The following MRPS9 variants were observed in gnomAD, a reference collection of about 807,000 sequenced individuals.
MRPS9 encodes the protein small ribosomal subunit protein uS9m.
Under a neutral mutation model 59.9 loss-of-function variants are expected in MRPS9, and 45 were observed. The observed-to-expected ratio is 0.75, with a 90% CI of 0.59 to 0.96. The LOEUF is 0.96. Ranked by LOEUF, MRPS9 falls within the 40% of genes least tolerant of loss-of-function variation. The probability of loss-of-function intolerance (pLI) is 0.00; values close to 1 mark genes in which losing one functional copy is unlikely to be tolerated. For synonymous variants in MRPS9, 171 were observed against 166.8 expected, an observed-to-expected ratio of 1.03 and a Z score of -0.19; for missense variants, 473 against 481.1, an observed-to-expected ratio of 0.98 and a Z score of 0.16.
chr2:105,059,081 T>G (rs1679849223), intron 2 of MRPS9, among the ~76,000 whole-genome samples: 3 of 151,564 alleles, frequency 2.0e-5, no homozygotes, highest in Middle Eastern at 3.4e-3. Context: ...GGTTTTTTTT[T>G]TTTTTTGGTG....
At chr2:105,092,047 G>T (rs1234663520) in intron 7 of MRPS9, 2 of 171,832 alleles carry the variant, frequency 1.2e-5, no homozygotes, top group East Asian at 3.2e-4. Flanking sequence ...TATTTATAAA[G>T]CTCCCCTTGA....
intron 1 of MRPS9, among the ~76,000 whole-genome samples, chr2:105,042,902 C>A (rs796121849): frequency 1.3e-5 from 2 of 152,288 alleles, no homozygotes; most frequent in African/African-American, 4.8e-5. Context: ...CTCCACAGAT[C>A]CATCAACCAG....
chr2:105,086,520 A>G (rs1002032885), intron 5 of MRPS9, among the ~76,000 whole-genome samples: 2 of 152,246 alleles, frequency 1.3e-5, no homozygotes, highest in Admixed American at 1.3e-4. Flanking sequence ...AAACTTACGT[A>G]CAAGATAGGT....
At chr2:105,065,288 G>A (rs1374637065) in intron 2 of MRPS9, among the ~76,000 whole-genome samples, 1 of 152,194 alleles carries the variant, frequency 6.6e-6, no homozygotes, top group Non-Finnish European at 1.5e-5. Context: ...GTTCCCTGGT[G>A]TGGACAAAGG....
chr2:105,075,954 G>A (rs373969590), intron 4 of MRPS9, among the ~76,000 whole-genome samples: 8 of 151,816 alleles, frequency 5.3e-5, no homozygotes, highest in African/African-American at 7.3e-5. Flanking sequence ...GTGCATACTC[G>A]CCTGTGTTAT....
At chr2:105,084,036 C>G (rs1680398983) in intron 5 of MRPS9, among the ~76,000 whole-genome samples, 1 of 152,118 alleles carries the variant, frequency 6.6e-6, no homozygotes, top group South Asian at 2.1e-4. Flanking sequence ...CCCCAATACC[C>G]TAAGCATTTA....
chr2:105,050,800 TCTAAGTTTGCCTAC>T (rs1256373272), intron 2 of MRPS9, among the ~76,000 whole-genome samples: 2 of 152,304 alleles, frequency 1.3e-5, no homozygotes, highest in East Asian at 3.9e-4. Flanking sequence ...CTCTCTAGAC[TCTAAGTTTGCCTAC>T]CCCGGACTTT....
intron 4 of MRPS9, among the ~76,000 whole-genome samples, chr2:105,076,894 C>T (rs1680221712): frequency 6.6e-6 from 1 of 151,912 alleles, no homozygotes. Context: ...GGCAAATAAG[C>T]AATTCATAAA....
At chr2:105,048,348 G>A (rs1679636068) in intron 1 of MRPS9, among the ~76,000 whole-genome samples, 1 of 151,628 alleles carries the variant, frequency 6.6e-6, no homozygotes, top group African/African-American at 2.4e-5. Context: ...TCTGGGGACT[G>A]TTGTGGGATG....
At chr2:105,073,900 A>C (rs1329290635) in intron 4 of MRPS9, among the ~76,000 whole-genome samples, 1 of 152,244 alleles carries the variant, frequency 6.6e-6, no homozygotes, top group African/African-American at 2.4e-5. Context: ...AATTTGAATA[A>C]CACAGCATGA....
intron 7 of MRPS9, 191 bp from the exon 8 acceptor site, chr2:105,092,210 G>C (rs1680572168): frequency 2.3e-6 from 1 of 438,436 alleles, no homozygotes; most frequent in African/African-American, 2.0e-5. Flanking sequence ...AAAAGATTTG[G>C]CACTAAAGAT....
intron 2 of MRPS9, among the ~76,000 whole-genome samples, chr2:105,062,059 C>A (rs1454201061): frequency 6.6e-6 from 1 of 152,110 alleles, no homozygotes; most frequent in African/African-American, 2.4e-5. Context: ...TGAATACAGA[C>A]TACAAGAAGT....
In MRPS9 at chr2:105,046,986, A is replaced by G. The variant is rs17030561; in HGVS notation, c.136-2185A>G. Among the ~76,000 whole-genome samples, 562 of 152,090 alleles carry G rather than the reference A, an allele frequency of 3.7e-3. 6 individuals are homozygous for G. The highest frequency in any genetic ancestry group is 0.013 in the African/African-American group (520 of 41,516). On this transcript the variant is annotated intron_variant, in intron 1 of 10. Coordinates refer to ENST00000258455, the MANE Select transcript of MRPS9 (RefSeq NM_182640.3). ...TGCCCAAAGAAGACGTAGACTCATAAAGAACAAATTTTAAAATCCCCTGGA... is the reference window on the plus strand; with the variant it reads ...TGCCCAAAGAAGACGTAGACTCATAGAGAACAAATTTTAAAATCCCCTGGA...
At chr2:105,084,434 G>A (rs550386286) in intron 5 of MRPS9, among the ~76,000 whole-genome samples, 1 of 151,920 alleles carries the variant, frequency 6.6e-6, no homozygotes, top group Non-Finnish European at 1.5e-5. Flanking sequence ...TAACCTACTC[G>A]GTTCTTAAAG....
At chr2:105,060,691 A>G (rs1387115303) in intron 2 of MRPS9, among the ~76,000 whole-genome samples, 2 of 152,222 alleles carry the variant, frequency 1.3e-5, no homozygotes, top group African/African-American at 4.8e-5. Context: ...GAGTTTGAGG[A>G]GTAAGAACAA....
intron 4 of MRPS9, among the ~76,000 whole-genome samples, chr2:105,076,905 T>A (rs1336812552): frequency 6.6e-6 from 1 of 151,856 alleles, no homozygotes; most frequent in Non-Finnish European, 1.5e-5. Context: ...AATTCATAAA[T>A]AGAAAAAATT....
At chr2:105,068,373 T>C (rs1487405212) in intron 2 of MRPS9, among the ~76,000 whole-genome samples, 3 of 152,196 alleles carry the variant, frequency 2.0e-5, no homozygotes, top group African/African-American at 4.8e-5. Context: ...GCAGTGTACA[T>C]AAAATATTTC....
intron 4 of MRPS9, among the ~76,000 whole-genome samples, chr2:105,071,914 A>G (rs1376596828): frequency 1.3e-5 from 2 of 152,094 alleles, no homozygotes; most frequent in African/African-American, 4.8e-5. Context: ...TGTCTTACAT[A>G]GTTTCTAATG....
At chr2:105,075,760 G>A (rs1055062278) in intron 4 of MRPS9, among the ~76,000 whole-genome samples, 3 of 151,990 alleles carry the variant, frequency 2.0e-5, no homozygotes, top group African/African-American at 4.8e-5. Flanking sequence ...ATTGAGTCAA[G>A]GTTAAAACAT....
Sources: gnomAD v4.1 joint callset for allele counts (sites outside exome capture counted in the v4.1 genomes callset) on GRCh38, gnomAD v4.1.1 for gene constraint, MANE v1.5 for transcripts, NCBI Gene and HGNC (gene_info 2026-07-23, HGNC 2026-07-21) for gene names.